Variants in EDA observed in about 807,000 individuals in gnomAD.
EDA encodes ectodysplasin-A.
Under a neutral mutation model 23.6 loss-of-function variants are expected in EDA, and 2 were observed. The observed-to-expected ratio is 0.08, with a 90% CI of 0.03 to 0.27. The LOEUF is 0.27. Ranked by LOEUF, EDA falls within the 10% of genes least tolerant of loss-of-function variation. The pLI is 1.00. For synonymous variants in EDA, 131 were observed against 132.0 expected, an observed-to-expected ratio of 0.99 and a Z score of 0.05; for missense variants, 229 against 324.2, an observed-to-expected ratio of 0.71 and a Z score of 2.26.
intron 1 of EDA, among the ~76,000 whole-genome samples, chrX:69,779,589 T>G (rs2014881373): frequency 9.0e-6 from 1 of 111,538 alleles, no homozygotes; most frequent in Non-Finnish European, 1.9e-5. Flanking sequence ...GAAAATGTTT[T>G]GGAACTAGAT....
intron 2 of EDA, among the ~76,000 whole-genome samples, chrX:69,963,709 G>A (rs184267428): frequency 8.9e-6 from 1 of 111,888 alleles, no homozygotes; most frequent in African/African-American, 3.2e-5. Flanking sequence ...TGGTTAACAA[G>A]CATTTTTAGA....
chrX:70,026,764 G>C (rs755366642), intron 3 of EDA, among the ~76,000 whole-genome samples: 2 of 110,882 alleles, frequency 1.8e-5, no homozygotes, highest in Non-Finnish European at 3.8e-5. Flanking sequence ...GAGGTCAGCT[G>C]AGAGAGTGAA....
At chrX:69,680,173 G>A (rs1237804733) in intron 1 of EDA, among the ~76,000 whole-genome samples, 1 of 102,615 alleles carries the variant, frequency 9.7e-6, no homozygotes, top group East Asian at 3.4e-4. Flanking sequence ...TGATTGCACT[G>A]TGGTCTGAGA....
intron 1 of EDA, among the ~76,000 whole-genome samples, chrX:69,719,893 G>T (rs1399324261): frequency 2.7e-5 from 3 of 110,319 alleles, no homozygotes; most frequent in Non-Finnish European, 3.8e-5. Context: ...GGGACTACAG[G>T]TGTGCACCAC....
chrX:69,798,838 A>T (rs1301682282), intron 1 of EDA, among the ~76,000 whole-genome samples: 1 of 111,486 alleles, frequency 9.0e-6, no homozygotes, highest in East Asian at 2.8e-4. Context: ...AAATAAAAAG[A>T]TGGAAAATAA....
In EDA at chrX:69,967,298, T is replaced by G. The variant is rs764504364; in HGVS notation, c.502+10166T>G. On this transcript the variant is annotated intron_variant, in intron 2 of 7. Transcript: ENST00000374552. ...GCAATAAAGACAGAAGTAGATAGAT[T>G]TGAGTTCCTAGGTAGAAAAAATAGG... Among the ~76,000 whole-genome samples the G allele has an allele frequency of 1.3e-4, 14 of 110,917 alleles. 1 individual carries two copies. Among genetic ancestry groups the G allele is most frequent in the Non-Finnish European group, 2.6e-4 (14 of 52,922 alleles).
At chrX:69,711,783 A>G (rs2012055138) in intron 1 of EDA, among the ~76,000 whole-genome samples, 1 of 111,520 alleles carries the variant, frequency 9.0e-6, no homozygotes, top group African/African-American at 3.3e-5. Context: ...ATTTGCGTAG[A>G]GGTGTTTATA....
intron 1 of EDA, among the ~76,000 whole-genome samples, chrX:69,704,158 G>A (rs1303313006): frequency 8.9e-6 from 1 of 111,901 alleles, no homozygotes; most frequent in Non-Finnish European, 1.9e-5. Flanking sequence ...AGGGAGACAA[G>A]ACATCAATCA....
At chrX:69,624,069 A>G (rs1467697900) in intron 1 of EDA, among the ~76,000 whole-genome samples, 1 of 111,625 alleles carries the variant, frequency 9.0e-6, no homozygotes, top group African/African-American at 3.2e-5. Context: ...AAAGATTTAC[A>G]TGTAAAACAT....
intron 3 of EDA, among the ~76,000 whole-genome samples, chrX:70,026,837 ATC>A (rs941146602): frequency 3.7e-5 from 4 of 108,105 alleles, no homozygotes; most frequent in African/African-American, 1.0e-4. Context: ...GTTTCTCAAT[ATC>A]TCTCTCTCTC....
chrX:69,767,416 T>C (rs2014500931), intron 1 of EDA, among the ~76,000 whole-genome samples: 2 of 110,984 alleles, frequency 1.8e-5, no homozygotes, highest in Admixed American at 1.9e-4. Context: ...GCTTTTTTTT[T>C]CAATACAGAT....
chrX:69,954,284 C>T (rs2018968262), intron 1 of EDA, among the ~76,000 whole-genome samples: 1 of 110,851 alleles, frequency 9.0e-6, no homozygotes, highest in Non-Finnish European at 1.9e-5. Flanking sequence ...CTCCTTTTTC[C>T]TGGAATTCCT....
chrX:69,901,370 G>T (rs994654376), intron 1 of EDA, among the ~76,000 whole-genome samples: 2 of 112,082 alleles, frequency 1.8e-5, no homozygotes, highest in African/African-American at 3.2e-5. Context: ...AAATGTAATT[G>T]AATAAGAAAT....
chrX:69,802,200 A>G (rs761350630), intron 1 of EDA, among the ~76,000 whole-genome samples: 9 of 110,548 alleles, frequency 8.1e-5, no homozygotes, highest in Non-Finnish European at 1.1e-4. Context: ...CTAGAACTAC[A>G]TGAATAAATA....
At chrX:69,922,882 A>G (rs1305276307) in intron 1 of EDA, among the ~76,000 whole-genome samples, 1 of 111,160 alleles carries the variant, frequency 9.0e-6, no homozygotes. Flanking sequence ...AGATGCCTAT[A>G]AGATTATTGT....
chrX:69,721,424 C>G (rs2012575424), intron 1 of EDA, among the ~76,000 whole-genome samples: 1 of 111,809 alleles, frequency 8.9e-6, no homozygotes, highest in Admixed American at 9.5e-5. Flanking sequence ...AAAGAGGCTT[C>G]TCAGAGCAGG....
At chrX:70,022,572 G>A (rs56389868) in intron 2 of EDA, among the ~76,000 whole-genome samples, 4 of 109,991 alleles carry the variant, frequency 3.6e-5, no homozygotes, top group African/African-American at 6.6e-5. Flanking sequence ...TCCTGACCTC[G>A]TGATCCACCC....
chrX:69,811,621 G>A (rs1269901662), intron 1 of EDA, among the ~76,000 whole-genome samples: 1 of 111,682 alleles, frequency 9.0e-6, no homozygotes, highest in Non-Finnish European at 1.9e-5. Context: ...TTTTCTTGTG[G>A]TTGCCCTGCA....
At chrX:70,012,916 G>A (rs999943325) in intron 2 of EDA, among the ~76,000 whole-genome samples, 2 of 112,503 alleles carry the variant, frequency 1.8e-5, no homozygotes, top group African/African-American at 6.5e-5. Flanking sequence ...AAGCAGGCAG[G>A]CCTGCCACTT....
Sources: allele counts gnomAD v4.1 joint callset (sites outside exome capture counted in the v4.1 genomes callset), GRCh38; gene constraint gnomAD v4.1.1; transcripts MANE v1.5; gene names NCBI Gene and HGNC (gene_info 2026-07-23, HGNC 2026-07-21).